CYP2C19: variants seen among roughly 807,000 people sequenced by gnomAD.
CYP2C19 encodes the protein cytochrome P450 2C19.
A neutral mutation model predicts 40.9 loss-of-function variants in CYP2C19; 59 were observed. That is an observed-to-expected ratio of 1.44 (90% CI 1.17 to 1.79). CYP2C19 has a LOEUF of 1.79. Among genes scored for constraint, CYP2C19 ranks in the 40% most tolerant of loss-of-function variants. The pLI is 0.00. For synonymous variants in CYP2C19, 253 were observed against 208.7 expected, an observed-to-expected ratio of 1.21 and a Z score of -1.83; for missense variants, 754 against 596.9, an observed-to-expected ratio of 1.26 and a Z score of -2.74.
At chr10:94,794,227 G>A (rs527626245) in intron 5 of CYP2C19, among the ~76,000 whole-genome samples, 3 of 152,238 alleles carry the variant, frequency 2.0e-5, no homozygotes, top group South Asian at 2.1e-4. Context: ...TATTAGGGTG[G>A]GAGTGTCCCA....
chr10:94,804,896 A>G (rs755603790), intron 5 of CYP2C19, among the ~76,000 whole-genome samples: 4 of 152,224 alleles, frequency 2.6e-5, no homozygotes, highest in Non-Finnish European at 5.9e-5. Flanking sequence ...ATTCTTTAGC[A>G]ATGTTTAATA....
chr10:94,793,662 C>CTGCAGAACAGCAAATAT (rs1441293694), intron 5 of CYP2C19, among the ~76,000 whole-genome samples: 3 of 152,126 alleles, frequency 2.0e-5, no homozygotes, highest in Admixed American at 1.3e-4. Context: ...CCAGTGGAGG[C>CTGCAGAACAGCAAATAT]TGCAGAACAG....
chr10:94,769,053 G>A (rs1369741402), intron 1 of CYP2C19, among the ~76,000 whole-genome samples: 1 of 152,130 alleles, frequency 6.6e-6, no homozygotes, highest in Non-Finnish European at 1.5e-5. Flanking sequence ...CTTAGGGTGA[G>A]GATAAGCCAG....
chr10:94,813,179 C>T (rs939704188), intron 5 of CYP2C19, among the ~76,000 whole-genome samples: 2 of 152,072 alleles, frequency 1.3e-5, no homozygotes, highest in Non-Finnish European at 2.9e-5. Flanking sequence ...CCTTGTTTGA[C>T]TGGGTATCAC....
At chr10:94,771,668 CA>C (rs1207938164) in intron 1 of CYP2C19, among the ~76,000 whole-genome samples, 1 of 152,064 alleles carries the variant, frequency 6.6e-6, no homozygotes, top group African/African-American at 2.4e-5. Context: ...ATCGGAAAGA[CA>C]AAACTCTCCA....
chr10:94,772,646 C>A (rs1182345934), intron 1 of CYP2C19, among the ~76,000 whole-genome samples: 1 of 152,286 alleles, frequency 6.6e-6, no homozygotes, highest in East Asian at 1.9e-4. Flanking sequence ...CTTGGCGCAG[C>A]CCAGAAATAC....
intron 6 of CYP2C19, among the ~76,000 whole-genome samples, chr10:94,840,478 C>T (rs1450976817): frequency 6.6e-6 from 1 of 152,028 alleles, no homozygotes; most frequent in African/African-American, 2.4e-5. Context: ...TCCTTAGATC[C>T]CTTTAGAGAT....
chr10:94,793,520 A>T lies in CYP2C19; in HGVS notation c.819+11523A>T, dbSNP rs529654527. Among the ~76,000 whole-genome samples, 18 of 152,252 alleles carry T rather than the reference A, an allele frequency of 1.2e-4. No individual in the cohort carries two copies. The East Asian group carries it at 3.5e-3, about 29-fold the overall frequency. On this transcript the variant is annotated intron_variant, in intron 5 of 8. Coordinates refer to ENST00000371321, the MANE Select transcript of CYP2C19 (RefSeq NM_000769.4). ...CTACCTTTTGTCTTTGATAATGGTG[A>T]CATACAGATGGTGTTTTGGTCTGGG...
At chr10:94,772,457 A>G (rs914943337) in intron 1 of CYP2C19, among the ~76,000 whole-genome samples, 1 of 152,106 alleles carries the variant, frequency 6.6e-6, no homozygotes, top group Non-Finnish European at 1.5e-5. Flanking sequence ...TGGAGAAGAG[A>G]GGCAAGAGGA....
chr10:94,811,777 A>G (rs1848928482), intron 5 of CYP2C19, among the ~76,000 whole-genome samples: 1 of 151,722 alleles, frequency 6.6e-6, no homozygotes, highest in Non-Finnish European at 1.5e-5. Flanking sequence ...GTGTCTTTTC[A>G]CGTGAGATAG....
rs768464118 is a variant in CYP2C19 at position 94,855,319 on chromosome 10, G to A, written c.*2405G>A. 6.6e-6 allele frequency among the ~76,000 whole-genome samples: 1 copy of A among 152,198 alleles called. No individual in the cohort carries two copies. The highest frequency in any genetic ancestry group is 2.4e-5 in the African/African-American group (1 of 41,454). ...TGATCTGTTAAGCATCTTGTTCAAG[G>A]TCACACAGCTTTTTAAGTGTCAGAG... is the stretch of plus-strand genomic sequence containing the variant. On this transcript the variant is annotated 3_prime_UTR_variant, in exon 9 of 9. Transcript: ENST00000371321.
At chr10:94,829,421 A>T (rs1849291118) in intron 6 of CYP2C19, among the ~76,000 whole-genome samples, 2 of 152,196 alleles carry the variant, frequency 1.3e-5, no homozygotes, top group South Asian at 4.1e-4. Flanking sequence ...TCCATTGCTG[A>T]TACCCTTTCT....
chr10:94,849,792 C>T (rs1849624602), intron 7 of CYP2C19, 125 bp from the exon 8 acceptor site: 1 of 1,186,110 alleles, frequency 8.4e-7, no homozygotes, highest in Non-Finnish European at 1.2e-6. Flanking sequence ...GGAAATGGTA[C>T]TGCTCTTCTT....
chr10:94,829,138 T>C (rs1849284372), intron 6 of CYP2C19, among the ~76,000 whole-genome samples: 1 of 152,178 alleles, frequency 6.6e-6, no homozygotes, highest in Non-Finnish European at 1.5e-5. Flanking sequence ...GACAATTATG[T>C]GTCTTGGAGT....
Position 94,824,042 on chromosome 10 carries a change from T to G in CYP2C19, c.961+3405T>G, listed in dbSNP as rs1243743941. On this transcript the variant is annotated intron_variant, in intron 6 of 8. Coordinates refer to ENST00000371321, the MANE Select transcript of CYP2C19 (RefSeq NM_000769.4). ...TAAAAAGGAGTTTCAAACATCTGCC[T>G]GAACATTTGTAAGTATTTCTAACTT... Among the ~76,000 whole-genome samples, 79 of 152,330 alleles carry G rather than the reference T, an allele frequency of 5.2e-4. 1 individual carries two copies. The highest frequency in any genetic ancestry group is 5.2e-3 in the Admixed American group (79 of 15,302).
chr10:94,852,123 G>A (rs528793074), intron 8 of CYP2C19, among the ~76,000 whole-genome samples: 40 of 152,282 alleles, frequency 2.6e-4, no homozygotes, highest in African/African-American at 9.1e-4. Context: ...TAGGGGAGGT[G>A]AAGAGTGTAA....
At chr10:94,771,636 T>C (rs532399280) in intron 1 of CYP2C19, among the ~76,000 whole-genome samples, 2 of 152,216 alleles carry the variant, frequency 1.3e-5, no homozygotes, top group South Asian at 4.1e-4. Flanking sequence ...AGGGTGAGCC[T>C]GTTGATGCCT....
At chr10:94,787,845 C>T (rs368433429) in intron 5 of CYP2C19, among the ~76,000 whole-genome samples, 1 of 151,820 alleles carries the variant, frequency 6.6e-6, no homozygotes, top group East Asian at 1.9e-4. Context: ...GCTTTGGCTA[C>T]TTGGGCTCTT....
At position 94,850,032 on chromosome 10, in the gene CYP2C19, G is replaced by A. The variant is rs1376847983; in HGVS notation, c.1265G>A (p.Ser422Asn). Residue 422 changes from serine (S) to asparagine (N), a missense_variant, in exon 8 of 9, where the codon AGT (serine) becomes AAT (asparagine). By Grantham distance (46) the Ser-to-Asn change is conservative (BLOSUM62 1). Coordinates refer to ENST00000371321, the MANE Select transcript of CYP2C19 (RefSeq NM_000769.4). Reference protein sequence around the residue: ...FLDEGGNFKKSNYFMPFSAGK... With the variant: ...FLDEGGNFKKNNYFMPFSAGK... ...GATGAAGGTGGAAATTTTAAGAAAA[G>A]TAACTACTTCATGCCTTTCTCAGCA... 7.4e-6 allele frequency: 12 copies of A among 1,613,600 alleles called. No individual in the cohort carries two copies. The highest frequency in any genetic ancestry group is 1.0e-5 in the Non-Finnish European group (12 of 1,179,670).
Sources: allele counts gnomAD v4.1 joint callset (sites outside exome capture counted in the v4.1 genomes callset), GRCh38; gene constraint gnomAD v4.1.1; transcripts MANE v1.5; gene names NCBI Gene and HGNC (gene_info 2026-07-23, HGNC 2026-07-21).